The following SSH2 variants were observed in gnomAD, a reference collection of about 807,000 sequenced individuals.
SSH2 encodes the protein slingshot protein phosphatase 2.
SSH2 carries 37 observed loss-of-function variants against 135.2 expected under a neutral mutation model. That is an observed-to-expected ratio of 0.27 (90% confidence interval 0.21 to 0.36). The LOEUF is 0.36. Ranked by LOEUF, SSH2 falls within the 10% of genes least tolerant of loss-of-function variation. The pLI, the probability that SSH2 is intolerant of heterozygous loss-of-function variation, is 1.00. For synonymous variants in SSH2, 628 were observed against 646.2 expected (o/e 0.97, Z 0.43); for missense variants, 1,408 against 1,765.3 (o/e 0.80, Z 3.63).
chr17:29,718,198 CTTCT>C (rs999528934), intron 3 of SSH2, among the ~76,000 whole-genome samples: 1 of 152,004 alleles, frequency 6.6e-6, no homozygotes, highest in African/African-American at 2.4e-5. Context: ...CTTATTATTC[CTTCT>C]ATGTTTCTGA....
intron 1 of SSH2, among the ~76,000 whole-genome samples, chr17:29,875,620 G>A (rs966825643): frequency 1.3e-5 from 2 of 152,094 alleles, no homozygotes; most frequent in African/African-American, 2.4e-5. Context: ...AGTCTGTAAA[G>A]CCTCACATGA....
At chr17:29,750,021 T>C (rs1191770099) in intron 3 of SSH2, among the ~76,000 whole-genome samples, 12 of 152,068 alleles carry the variant, frequency 7.9e-5, no homozygotes, top group East Asian at 1.9e-4. Context: ...TGTTGAGCCA[T>C]TGCACCCAGC....
chr17:29,791,670 C>A, intron 3 of SSH2, among the ~76,000 whole-genome samples: 1 of 152,164 alleles, frequency 6.6e-6, no homozygotes, highest in Non-Finnish European at 1.5e-5. Context: ...AGATAAGTTT[C>A]TTTGCTTCGA....
At chr17:29,761,383 G>C in intron 3 of SSH2, 1 of 1,065,524 alleles carries the variant, frequency 9.4e-7, no homozygotes, top group African/African-American at 1.7e-5. Flanking sequence ...CCGCCGGGTC[G>C]CGCGGAGGCA....
intron 2 of SSH2, among the ~76,000 whole-genome samples, chr17:29,841,364 C>T (rs2043038344): frequency 1.3e-5 from 2 of 152,116 alleles, no homozygotes; most frequent in African/African-American, 4.8e-5. Flanking sequence ...TACTCTAGCT[C>T]CCTAGCAATG....
At chr17:29,692,344 A>G (rs1012023123) in intron 5 of SSH2, among the ~76,000 whole-genome samples, 2 of 152,078 alleles carry the variant, frequency 1.3e-5, no homozygotes, top group African/African-American at 4.8e-5. Flanking sequence ...GCATTGACTC[A>G]TTTTCTTGAA....
chr17:29,814,130 CAAAAAAA>C (rs1402714927), intron 2 of SSH2, among the ~76,000 whole-genome samples: 1 of 21,142 alleles, frequency 4.7e-5, no homozygotes, highest in African/African-American at 1.9e-4. Context: ...GACTTCGTCT[CAAAAAAA>C]AAAAAAAAAA....
chr17:29,848,808 T>C, intron 2 of SSH2, 41 bp downstream of exon 2: 1 of 1,317,082 alleles, frequency 7.6e-7, no homozygotes, highest in Non-Finnish European at 1.0e-6. Flanking sequence ...AAGATTTTAC[T>C]TGAATCACCA....
At chr17:29,844,569 C>T (rs1202485188) in intron 2 of SSH2, among the ~76,000 whole-genome samples, 1 of 152,196 alleles carries the variant, frequency 6.6e-6, no homozygotes, top group Non-Finnish European at 1.5e-5. Context: ...TAGTCACTGC[C>T]TACATTCCTT....
intron 14 of SSH2, among the ~76,000 whole-genome samples, chr17:29,647,534 TTTATAA>T (rs762052561): frequency 5.9e-5 from 9 of 152,080 alleles, no homozygotes; most frequent in Admixed American, 2.0e-4. Flanking sequence ...ATTTCCATCC[TTTATAA>T]TTATATCAAC....
chr17:29,702,950 A>G lies in SSH2; in HGVS notation c.292+9T>C, dbSNP rs372217418. 4.1e-5 allele frequency: 65 copies of G among 1,600,878 alleles called. No individual in the cohort carries two copies. In the African/African-American group the frequency reaches 8.0e-4, roughly 20 times the overall value. ...ACCAAGAAAGAAATGGTGTATATGC[A>G]AGCATTACCTGCATGCTTGTTCCGT... On this transcript the variant is annotated intron_variant, in intron 4 of 15. Coordinates refer to ENST00000540801, the MANE Select transcript of SSH2 (RefSeq NM_001282129.2).
chr17:29,778,432 G>A (rs1489402545), intron 3 of SSH2, among the ~76,000 whole-genome samples: 1 of 152,130 alleles, frequency 6.6e-6, no homozygotes, highest in Admixed American at 6.6e-5. Flanking sequence ...CTGAGGTCAG[G>A]AGATCGAGAC....
At position 29,718,664 on chromosome 17, in the gene SSH2, C is replaced by T. The variant is rs1045993858; in HGVS notation, c.189-15602G>A. 9.3e-5 allele frequency among the ~76,000 whole-genome samples: 12 copies of T among 128,348 alleles called. No individual in the cohort carries two copies. The South Asian group carries it at 2.1e-3, about 23-fold the overall frequency. The allele number at this position is 128,348 out of a possible 152,430, so 84.2% of individuals were successfully genotyped here. A position where few individuals can be genotyped will look rare whatever the true frequency, so the allele number is the denominator to read the frequency against. ...AGAAGAATGGCATGAACCCGGGAGG[C>T]GGAGCTTGCAGTAAGCCAAGATCGT... is the stretch of plus-strand genomic sequence containing the variant. On this transcript the variant is annotated intron_variant, in intron 3 of 15. Coordinates refer to ENST00000540801, the MANE Select transcript of SSH2 (RefSeq NM_001282129.2).
chr17:29,818,790 G>A (rs1399073073), intron 2 of SSH2, among the ~76,000 whole-genome samples: 1 of 151,704 alleles, frequency 6.6e-6, no homozygotes, highest in Non-Finnish European at 1.5e-5. Context: ...AGAGTTAGCT[G>A]TATGTATAAA....
At chr17:29,847,389 G>A (rs554523831) in intron 2 of SSH2, among the ~76,000 whole-genome samples, 36 of 152,278 alleles carry the variant, frequency 2.4e-4, no homozygotes, top group African/African-American at 7.9e-4. Context: ...AGAGACCAGG[G>A]CCTCTCACAA....
At chr17:29,717,505 C>T (rs1226496485) in intron 3 of SSH2, among the ~76,000 whole-genome samples, 1 of 152,210 alleles carries the variant, frequency 6.6e-6, no homozygotes, top group African/African-American at 2.4e-5. Flanking sequence ...CACACATGTC[C>T]ATCTAGCAAC....
chr17:29,744,885 G>GTGTGTT (rs1555625861), intron 3 of SSH2, among the ~76,000 whole-genome samples: 55 of 151,630 alleles, frequency 3.6e-4, no homozygotes, highest in African/African-American at 6.8e-4. Flanking sequence ...GTGTGTGTGT[G>GTGTGTT]TGTGTGTGTG....
At position 29,908,782 on chromosome 17, in the gene SSH2, A is replaced by G. The variant is rs78762545; in HGVS notation, c.63+21156T>C. Among the ~76,000 whole-genome samples, 400 of 87,822 alleles carry G rather than the reference A, an allele frequency of 4.6e-3. 2 individuals are homozygous for G. The highest frequency in any genetic ancestry group is 0.014 in the East Asian group (25 of 1,742). The allele number at this position is 87,822 out of a possible 152,430, so 57.6% of individuals were successfully genotyped here. ...CCATCTGAAAAAAAAAAAAAAAAAAAAAAAAAAAAAAATTGGCCGGGAGTG... is the reference window on the plus strand; with the variant it reads ...CCATCTGAAAAAAAAAAAAAAAAAAGAAAAAAAAAAAATTGGCCGGGAGTG... On this transcript the variant is annotated intron_variant, in intron 1 of 15. Transcript: ENST00000540801.
At chr17:29,676,610 C>G (rs1598776081) in intron 8 of SSH2, 1 of 491,614 alleles carries the variant, frequency 2.0e-6, no homozygotes, top group East Asian at 3.7e-5. Context: ...CCTCTGAATT[C>G]CTCTGAATTT....
Sources: allele counts gnomAD v4.1 joint callset (sites outside exome capture counted in the v4.1 genomes callset), GRCh38; gene constraint gnomAD v4.1.1; transcripts MANE v1.5; gene names NCBI Gene and HGNC (gene_info 2026-07-23, HGNC 2026-07-21).